MACROD1: variants seen among roughly 807,000 people sequenced by gnomAD.
MACROD1 encodes mono-ADP ribosylhydrolase 1.
A neutral mutation model predicts 41.4 loss-of-function variants in MACROD1; 31 were observed. The ratio of observed to expected loss-of-function variants is 0.75; its 90% confidence interval spans 0.56 to 1.01. MACROD1 has a LOEUF of 1.01. Ranked by LOEUF, MACROD1 falls within the 50% of genes least tolerant of loss-of-function variation. The probability of loss-of-function intolerance (pLI) is 0.00; values close to 1 mark genes in which losing one functional copy is unlikely to be tolerated. For missense variants in MACROD1, 473 were observed against 460.0 expected (o/e 1.03, Z -0.26); for synonymous variants, 252 against 203.4 (o/e 1.24, Z -2.03).
intron 3 of MACROD1, chr11:64,118,332 C>T: frequency 6.6e-7 from 1 of 1,516,310 alleles, no homozygotes; most frequent in Non-Finnish European, 8.9e-7. Context: ...GCCCCAGCTG[C>T]CCTGGCGTGG....
At chr11:64,061,387 G>C (rs1943900993) in intron 3 of MACROD1, among the ~76,000 whole-genome samples, 1 of 152,212 alleles carries the variant, frequency 6.6e-6, no homozygotes, top group South Asian at 2.1e-4. Flanking sequence ...AGAGGAATGG[G>C]CTTGGCCCGC....
intron 3 of MACROD1, among the ~76,000 whole-genome samples, chr11:64,059,709 G>T (rs996843323): frequency 5.9e-5 from 9 of 152,232 alleles, no homozygotes; most frequent in African/African-American, 1.9e-4. Context: ...AGAGGGGCAG[G>T]TCACTCAGCT....
At chr11:64,029,209 G>A (rs528303231) in intron 3 of MACROD1, among the ~76,000 whole-genome samples, 182 of 152,324 alleles carry the variant, frequency 1.2e-3, no homozygotes, top group African/African-American at 4.3e-3. Flanking sequence ...CTGGGATGTG[G>A]GCGCTGGGCC....
intron 3 of MACROD1, among the ~76,000 whole-genome samples, chr11:64,030,160 C>G (rs111573557): frequency 6.6e-6 from 1 of 151,814 alleles, no homozygotes; most frequent in Admixed American, 6.6e-5. Context: ...TGATCTCCCC[C>G]GTCATGTCTC....
At chr11:64,028,507 G>T (rs1943250976) in intron 3 of MACROD1, among the ~76,000 whole-genome samples, 1 of 152,350 alleles carries the variant, frequency 6.6e-6, no homozygotes, top group South Asian at 2.1e-4. Context: ...GAGGCAGGAG[G>T]AGGTCAGTGT....
intron 3 of MACROD1, chr11:64,116,461 T>G (rs1944983669): frequency 6.2e-7 from 1 of 1,614,088 alleles, no homozygotes; most frequent in East Asian, 2.2e-5. Context: ...AACGGCTTCA[T>G]CTACTGCAAC....
Position 63,999,019 on chromosome 11 carries a change from G to C in MACROD1, c.909C>G (p.Ile303Met), listed in dbSNP as rs138908467. 6.2e-7 allele frequency: 1 copy of C among 1,607,024 alleles called. No homozygotes were observed. Among genetic ancestry groups the C allele is most frequent in the Non-Finnish European group, 8.5e-7 (1 of 1,177,464 alleles). The change falls in exon 9 of 11, where the codon ATC becomes ATG. Residue 303 changes from isoleucine to methionine, a missense_variant. Transcript: ENST00000255681. Reference protein sequence around the residue: ...QHKDKVDRLIICVFLEKDEDI... With the variant: ...QHKDKVDRLIMCVFLEKDEDI... The stretch of plus-strand genomic sequence containing the variant: ...CCTCGTCCTTCTCGAGGAACACGCA[G>C]ATGATCAGCCGGTCCACCTGCGCCA...
intron 4 of MACROD1, among the ~76,000 whole-genome samples, chr11:64,005,833 G>C (rs960975841): frequency 6.6e-6 from 1 of 152,242 alleles, no homozygotes; most frequent in African/African-American, 2.4e-5. Context: ...GGAGACAGAG[G>C]GCCTTGGGGA....
intron 2 of MACROD1, 101 bp from the exon 3 acceptor site, chr11:64,151,456 C>T: frequency 3.7e-6 from 3 of 806,610 alleles, no homozygotes; most frequent in South Asian, 1.4e-5. Flanking sequence ...GACCTCCCTC[C>T]ACCTCCAGGG....
intron 3 of MACROD1, among the ~76,000 whole-genome samples, chr11:64,075,836 C>T (rs1944190569): frequency 6.6e-6 from 1 of 152,240 alleles, no homozygotes; most frequent in Non-Finnish European, 1.5e-5. Flanking sequence ...CCATGCCCAG[C>T]TAATTTTGTA....
intron 3 of MACROD1, chr11:64,117,095 C>A: frequency 1.9e-6 from 3 of 1,605,174 alleles, no homozygotes; most frequent in Non-Finnish European, 2.6e-6. Flanking sequence ...AGAAGCTCTA[C>A]CTGCAGGACA....
intron 3 of MACROD1, among the ~76,000 whole-genome samples, chr11:64,121,662 C>A (rs1945099737): frequency 6.6e-6 from 1 of 152,198 alleles, no homozygotes; most frequent in South Asian, 2.1e-4. Context: ...CTCAGACATG[C>A]GTGAGGACAC....
intron 3 of MACROD1, among the ~76,000 whole-genome samples, chr11:64,027,895 G>A (rs1430915225): frequency 6.6e-6 from 1 of 152,226 alleles, no homozygotes; most frequent in Admixed American, 6.5e-5. Context: ...TTGTCACTTT[G>A]CTTTTTAGAA....
intron 4 of MACROD1, among the ~76,000 whole-genome samples, 199 bp downstream of exon 4, chr11:64,015,053 C>T (rs1024740958): frequency 6.6e-6 from 1 of 152,210 alleles, no homozygotes; most frequent in Non-Finnish European, 1.5e-5. Flanking sequence ...GGGTGGGGAG[C>T]TGGCCCAGGT....
chr11:64,073,269 C>G (rs2134467876), intron 3 of MACROD1, among the ~76,000 whole-genome samples: 1 of 152,316 alleles, frequency 6.6e-6, no homozygotes, highest in East Asian at 1.9e-4. Flanking sequence ...GCTGATGGAG[C>G]TGGCTGTGAT....
At chr11:64,003,785 G>A (rs1046154681) in intron 4 of MACROD1, among the ~76,000 whole-genome samples, 6 of 152,208 alleles carry the variant, frequency 3.9e-5, no homozygotes, top group Non-Finnish European at 7.3e-5. Context: ...CACTCTGGCT[G>A]ACTGGTTTGA....
intron 3 of MACROD1, among the ~76,000 whole-genome samples, chr11:64,089,088 C>G (rs1380031079): frequency 6.6e-6 from 1 of 152,216 alleles, no homozygotes; most frequent in Admixed American, 6.5e-5. Flanking sequence ...CGGCCTGCTG[C>G]TGTGGCTCCT....
At chr11:64,046,505 G>A (rs981246341) in intron 3 of MACROD1, among the ~76,000 whole-genome samples, 3 of 152,158 alleles carry the variant, frequency 2.0e-5, no homozygotes, top group Non-Finnish European at 2.9e-5. Context: ...GGGACCCTGC[G>A]CTGTGCTCCA....
chr11:64,029,818 A>G lies in MACROD1; in HGVS notation c.518-14537T>C, dbSNP rs1275774988. ...GGTGAATGACAGCTGGAGTAAAGGA[A>G]GGTCTAAATCACCGCAAAAAGCATA... On this transcript the variant is annotated intron_variant, in intron 3 of 10. Transcript: ENST00000255681. 6.6e-5 allele frequency among the ~76,000 whole-genome samples: 10 copies of G among 152,204 alleles called. No homozygotes were observed. The East Asian group carries it at 1.9e-3, about 29-fold the overall frequency.
Sources: gnomAD v4.1 joint callset for allele counts (sites outside exome capture counted in the v4.1 genomes callset) on GRCh38, gnomAD v4.1.1 for gene constraint, MANE v1.5 for transcripts, NCBI Gene and HGNC (gene_info 2026-07-23, HGNC 2026-07-21) for gene names.